SBF2: variants seen among roughly 807,000 people sequenced by gnomAD.
SBF2 encodes the protein myotubularin-related protein 13.
SBF2 carries 112 observed loss-of-function variants against 225.2 expected under a neutral mutation model. The ratio of observed to expected loss-of-function variants is 0.50; its 90% confidence interval spans 0.43 to 0.58. The LOEUF (loss-of-function observed/expected upper bound fraction) is 0.58. Ranked by LOEUF, SBF2 falls within the 20% of genes least tolerant of loss-of-function variation. The probability of loss-of-function intolerance (pLI) is 0.00; values close to 1 mark genes in which losing one functional copy is unlikely to be tolerated. For synonymous variants in SBF2, 763 were observed against 773.3 expected (o/e 0.99, Z 0.22); for missense variants, 1,996 against 2,206.2 (o/e 0.90, Z 1.91).
intron 2 of SBF2, among the ~76,000 whole-genome samples, chr11:10,103,870 G>C (rs887761648): frequency 1.3e-5 from 2 of 152,258 alleles, no homozygotes; most frequent in East Asian, 1.9e-4. Context: ...TGCTTGAGCC[G>C]AGATAGCTGA....
chr11:9,963,847 T>C lies in SBF2; in HGVS notation c.1636A>G (p.Ser546Gly). ...IMDKVTTVFN[S>G]AQRLEVVRNC... is the part of the protein sequence containing the mutation. ...CTGACAACTTCTAGTCTTTGTGCAC[T>C]GTTGAAAACTGTCGTCACCTTGTCC... is the stretch of plus-strand genomic sequence containing the variant. The change falls in exon 15 of 40, where the codon AGT (serine) becomes GGT (glycine). Residue 546 changes from serine to glycine, a missense_variant. Coordinates refer to ENST00000256190, the MANE Select transcript of SBF2 (RefSeq NM_030962.4). The C allele has an allele frequency of 6.2e-7, 1 of 1,609,458 alleles. No homozygotes were observed. The highest frequency in any genetic ancestry group is 1.1e-5 in the South Asian group (1 of 90,836).
At position 9,779,946 on chromosome 11, in the gene SBF2, A is replaced by G; in HGVS notation, c.*472T>C. On this transcript the variant is annotated 3_prime_UTR_variant, in exon 40 of 40. Coordinates refer to ENST00000256190, the MANE Select transcript of SBF2 (RefSeq NM_030962.4). ...CAGAGAACTGAGCATCTCAAAGGTCAGGCATTACAAGTAGATGTCTCTCAT... is the reference window on the plus strand; with the variant it reads ...CAGAGAACTGAGCATCTCAAAGGTCGGGCATTACAAGTAGATGTCTCTCAT... 1 of 234,506 alleles carries G rather than the reference A, an allele frequency of 4.3e-6. No homozygotes were observed. 14.5% of individuals were successfully genotyped at this position (234,506 alleles called of 1,614,324 possible).
chr11:9,934,014 G>A (rs11524438), intron 16 of SBF2, among the ~76,000 whole-genome samples: 30,576 of 152,056 alleles, frequency 0.2, 3,856 homozygotes, highest in Non-Finnish European at 0.29. Context: ...CCTGGGAGGC[G>A]GAGCTTGCAG....
At chr11:10,184,597 C>T (rs1229134376) in intron 2 of SBF2, among the ~76,000 whole-genome samples, 4 of 152,210 alleles carry the variant, frequency 2.6e-5, no homozygotes, top group Non-Finnish European at 5.9e-5. Flanking sequence ...TCTATACCCA[C>T]TAAACAACTT....
chr11:9,921,042 C>T (rs900767172), intron 16 of SBF2, among the ~76,000 whole-genome samples: 8 of 149,624 alleles, frequency 5.3e-5, no homozygotes, highest in African/African-American at 1.7e-4. Flanking sequence ...GGATGATATG[C>T]ATCAGTATGA....
intron 17 of SBF2, among the ~76,000 whole-genome samples, chr11:9,889,096 G>C (rs193145568): frequency 6.6e-4 from 100 of 152,294 alleles, no homozygotes; most frequent in African/African-American, 2.3e-3. Context: ...TCATGTTAGG[G>C]AGTATCGGCT....
At position 10,028,352 on chromosome 11, in the gene SBF2, A is replaced by C. The variant is rs1052018390; in HGVS notation, c.619+100T>G. On this transcript the variant is annotated intron_variant, in intron 6 of 39. Transcript: ENST00000256190. ...TATATAAAATATTTAATGGTTTAAAAAACATTTTCTTGATTCATGTGAGGT... is the reference window on the plus strand; with the variant it reads ...TATATAAAATATTTAATGGTTTAAACAACATTTTCTTGATTCATGTGAGGT... 30 of 811,784 alleles carry C rather than the reference A, an allele frequency of 3.7e-5. No homozygotes were observed. In the Admixed American group the frequency reaches 4.8e-4, roughly 13 times the overall value. The allele number at this position is 811,784 out of a possible 1,614,324, so 50.3% of individuals were successfully genotyped here.
At chr11:10,060,568 G>C (rs1417204090) in intron 2 of SBF2, among the ~76,000 whole-genome samples, 1 of 152,124 alleles carries the variant, frequency 6.6e-6, no homozygotes, top group Non-Finnish European at 1.5e-5. Context: ...ACTTGGCAGA[G>C]ACACAACAGA....
At chr11:10,213,095 C>T (rs1394429571) in intron 1 of SBF2, among the ~76,000 whole-genome samples, 1 of 152,012 alleles carries the variant, frequency 6.6e-6, no homozygotes, top group Non-Finnish European at 1.5e-5. Context: ...TCCAGGATTC[C>T]ACTAAATTCA....
chr11:10,074,999 G>C (rs906035981), intron 2 of SBF2, among the ~76,000 whole-genome samples: 15 of 152,174 alleles, frequency 9.9e-5, no homozygotes, highest in African/African-American at 3.1e-4. Flanking sequence ...ATTTAAAGCT[G>C]TCAAACAATG....
intron 2 of SBF2, among the ~76,000 whole-genome samples, chr11:10,084,969 T>C (rs146212514): frequency 6.6e-6 from 1 of 152,228 alleles, no homozygotes; most frequent in East Asian, 1.9e-4. Context: ...GTAAAAAATT[T>C]GTTAATGGGT....
At chr11:9,994,797 G>T (rs975956984) in intron 9 of SBF2, among the ~76,000 whole-genome samples, 1 of 152,102 alleles carries the variant, frequency 6.6e-6, no homozygotes, top group Non-Finnish European at 1.5e-5. Context: ...AACACTTTGG[G>T]AGGGCAACGT....
intron 26 of SBF2, among the ~76,000 whole-genome samples, chr11:9,834,077 CTTT>C (rs1425621377): frequency 6.6e-6 from 1 of 151,046 alleles, no homozygotes; most frequent in African/African-American, 2.4e-5. Flanking sequence ...CCCATGGTAT[CTTT>C]TTATTTATTT....
chr11:10,057,029 T>C (rs1950278990), intron 2 of SBF2, among the ~76,000 whole-genome samples: 1 of 152,096 alleles, frequency 6.6e-6, no homozygotes, highest in Admixed American at 6.5e-5. Flanking sequence ...CAGCAACAGG[T>C]CTGTACCTCC....
At chr11:10,256,800 G>T (rs1043660270) in intron 1 of SBF2, among the ~76,000 whole-genome samples, 43 of 152,084 alleles carry the variant, frequency 2.8e-4, no homozygotes, top group African/African-American at 9.9e-4. Context: ...CCTGGAAAAC[G>T]TAATAGCATC....
chr11:9,994,345 G>A (rs936091872), intron 9 of SBF2, among the ~76,000 whole-genome samples: 7 of 151,518 alleles, frequency 4.6e-5, no homozygotes, highest in African/African-American at 1.7e-4. Flanking sequence ...CGTGGTGGTG[G>A]GCGCCTGTAG....
chr11:10,155,308 G>A, intron 2 of SBF2, among the ~76,000 whole-genome samples: 1 of 152,090 alleles, frequency 6.6e-6, no homozygotes, highest in Non-Finnish European at 1.5e-5. Context: ...TAAATTTCAT[G>A]TTTTTAATTT....
In SBF2 at chr11:10,139,694, A is replaced by G. The variant is rs139991216; in HGVS notation, c.141+54208T>C. ...ATTTGCTTTATTTAATTTTTGTTCA[A>G]TAAAAAGGATGGTGTTAAGTAATTG... On this transcript the variant is annotated intron_variant, in intron 2 of 39. Coordinates refer to ENST00000256190, the MANE Select transcript of SBF2 (RefSeq NM_030962.4). 1.4e-3 allele frequency among the ~76,000 whole-genome samples: 209 copies of G among 152,350 alleles called. 1 individual carries two copies. The highest frequency in any genetic ancestry group is 4.5e-3 in the African/African-American group (189 of 41,584).
Position 9,992,520 on chromosome 11 carries a change from A to G in SBF2, c.1191T>C (p.Gly397=). The G allele has an allele frequency of 6.2e-7, 1 of 1,613,046 alleles. No individual in the cohort carries two copies. The highest frequency in any genetic ancestry group is 1.7e-5 in the Admixed American group (1 of 59,924). ...FHKTAFLGQR[G]LVENDFLTKV... is the part of the protein sequence containing the mutation. The stretch of plus-strand genomic sequence containing the variant: ...TAGTGAGGAAATCATTCTCGACCAA[A>G]CCACGCTGCCCCAAGAATGCTGTCT... The change falls in exon 12 of 40, where the codon GGT becomes GGC. Residue 397 remains glycine, a synonymous_variant. Transcript: ENST00000256190.
Sources: gnomAD v4.1 joint callset for allele counts (sites outside exome capture counted in the v4.1 genomes callset) on GRCh38, gnomAD v4.1.1 for gene constraint, MANE v1.5 for transcripts, NCBI Gene and HGNC (gene_info 2026-07-23, HGNC 2026-07-21) for gene names.